ANK3: variants seen among roughly 807,000 people sequenced by gnomAD.
ANK3 encodes ankyrin-3.
Under a neutral mutation model 370.9 loss-of-function variants are expected in ANK3, and 57 were observed. The ratio of observed to expected loss-of-function variants is 0.15; its 90% CI spans 0.12 to 0.19. The LOEUF (loss-of-function observed/expected upper bound fraction) is 0.19, where lower values mean the gene tolerates loss of function less well. Ranked by LOEUF, ANK3 falls within the 10% of genes least tolerant of loss-of-function variation. The pLI is 1.00. For missense variants in ANK3, 4,439 were observed against 5,302.1 expected (o/e 0.84, Z 5.06); for synonymous variants, 1,929 against 1,946.3 (o/e 0.99, Z 0.23).
At chr10:60,629,950 T>G (rs924350196) in intron 1 of ANK3, among the ~76,000 whole-genome samples, 2 of 152,160 alleles carry the variant, frequency 1.3e-5, no homozygotes, top group Non-Finnish European at 2.9e-5. Flanking sequence ...AGATTTTATT[T>G]TTTATTATTT....
intron 1 of ANK3, among the ~76,000 whole-genome samples, chr10:60,284,177 C>G (rs1036353430): frequency 6.6e-6 from 1 of 152,072 alleles, no homozygotes; most frequent in African/African-American, 2.4e-5. Context: ...ACTTGACTTA[C>G]GCTACCTCAA....
chr10:60,074,696 T>C lies in ANK3; in HGVS notation c.6185A>G (p.Glu2062Gly). ...TGGTTTTAAAACTCTTTTCTGTCTCTCCTCACCATCCTTCTTTGCATCCTC... is the reference window on the plus strand; with the variant it reads ...TGGTTTTAAAACTCTTTTCTGTCTCCCCTCACCATCCTTCTTTGCATCCTC... ...KFEDAKKDGE[E>G]RQKRVLKPAI... The change falls in exon 37 of 44, where the codon GAG becomes GGG. Residue 2062 changes from glutamate to glycine, a missense_variant. Coordinates refer to ENST00000280772, the MANE Select transcript of ANK3 (RefSeq NM_020987.5). The C allele has an allele frequency of 6.2e-7, 1 of 1,613,470 alleles. No individual in the cohort carries two copies. Among genetic ancestry groups the C allele is most frequent in the Admixed American group, 1.7e-5 (1 of 59,888 alleles).
At position 60,166,828 on chromosome 10, in the gene ANK3, A is replaced by C. The variant is rs1209882520; in HGVS notation, c.2547T>G (p.Asp849Glu). Residue 849 changes from aspartate to glutamate, a missense_variant, in exon 22 of 44, where the codon GAT becomes GAG. Asp to Glu is a conservative substitution (Grantham distance 45). Transcript: ENST00000280772. ...ACTCAAAGAACATTTTCATACCTTCATCATCAGACATATCAAGAACTTCAT... is the reference window on the plus strand; with the variant it reads ...ACTCAAAGAACATTTTCATACCTTCCTCATCAGACATATCAAGAACTTCAT... ...TMNEVLDMSD[D>E]EVRKANAPEM... 1.2e-6 allele frequency: 2 copies of C among 1,613,816 alleles called. No individual in the cohort carries two copies. Among genetic ancestry groups the C allele is most frequent in the Admixed American group, 3.3e-5 (2 of 60,028 alleles).
chr10:60,088,002 CT>C (rs2087137195), intron 29 of ANK3, 144 bp downstream of exon 29: 1 of 676,478 alleles, frequency 1.5e-6, no homozygotes, highest in South Asian at 1.9e-5. Context: ...ATACTTGATG[CT>C]TTTTATCTGA....
At chr10:60,032,718 T>C (rs2073980237) in intron 43 of ANK3, among the ~76,000 whole-genome samples, 3 of 152,228 alleles carry the variant, frequency 2.0e-5, no homozygotes. Context: ...TGCCCACTTA[T>C]ATTCCAGTGA....
Position 60,086,627 on chromosome 10 carries a change from T to C in ANK3, c.3748+50A>G, listed in dbSNP as rs762235985. The C allele has an allele frequency of 2.0e-6, 3 of 1,473,220 alleles. No individual in the cohort carries two copies. The African/African-American group carries it at 4.2e-5, about 21-fold the overall frequency. The allele number at this position is 1,473,220 out of a possible 1,614,324, so 91.3% of individuals were successfully genotyped here. A position where few individuals can be genotyped will look rare whatever the true frequency, so the allele number is the denominator to read the frequency against. ...ATCTTTGTACACAAATATATCTTTG[T>C]ACACAATCTTTGTGAATCAATAGGA... On this transcript the variant is annotated intron_variant, in intron 30 of 43. Coordinates refer to ENST00000280772, the MANE Select transcript of ANK3 (RefSeq NM_020987.5).
intron 2 of ANK3, among the ~76,000 whole-genome samples, chr10:60,498,007 AC>A (rs1233812791): frequency 6.6e-6 from 1 of 152,170 alleles, no homozygotes; most frequent in Non-Finnish European, 1.5e-5. Flanking sequence ...ATCCATTATC[AC>A]CGTCGGACTC....
At position 60,085,220 on chromosome 10, in the gene ANK3, G is replaced by C; in HGVS notation, c.3782C>G (p.Thr1261Arg). 6.2e-7 allele frequency: 1 copy of C among 1,613,164 alleles called. No homozygotes were observed. The highest frequency in any genetic ancestry group is 8.5e-7 in the Non-Finnish European group (1 of 1,179,576). The change falls in exon 31 of 44, where the codon ACA (threonine) becomes AGA (arginine). Residue 1261 changes from threonine to arginine, a missense_variant. Thr to Arg is a moderately conservative substitution (Grantham distance 71, BLOSUM62 -1). Transcript: ENST00000280772. ...GTSPAQWEDI[T>R]GTTPLTFIKD... ...TATAAACGTCAAAGGAGTTGTTCCT[G>C]TGATGTCTTCCCACTGAGCAGGCGA...
chr10:60,321,194 AGCCTG>A (rs1237996116), intron 1 of ANK3, among the ~76,000 whole-genome samples: 1 of 152,070 alleles, frequency 6.6e-6, no homozygotes, highest in African/African-American at 2.4e-5. Context: ...GTTTGAGACC[AGCCTG>A]GCAGCATGAG....
At chr10:60,217,135 C>G (rs2132471636) in intron 8 of ANK3, among the ~76,000 whole-genome samples, 1 of 151,802 alleles carries the variant, frequency 6.6e-6, no homozygotes, top group Non-Finnish European at 1.5e-5. Flanking sequence ...TTTTTATTGT[C>G]TATTTGATTC....
At chr10:60,277,448 C>T (rs2098107731) in intron 4 of ANK3, among the ~76,000 whole-genome samples, 1 of 152,146 alleles carries the variant, frequency 6.6e-6, no homozygotes, top group Non-Finnish European at 1.5e-5. Context: ...TGAACAAAGA[C>T]TAAACCAAGT....
chr10:60,367,232 T>C (rs1159295454), intron 1 of ANK3, among the ~76,000 whole-genome samples: 1 of 152,184 alleles, frequency 6.6e-6, no homozygotes, highest in Non-Finnish European at 1.5e-5. Flanking sequence ...AAATGGGAGC[T>C]TGGCGTGACA....
chr10:60,726,445 T>C lies in ANK3; in HGVS notation c.57+6818A>G, dbSNP rs80104359. On this transcript the variant is annotated intron_variant, in intron 1 of 43. Transcript: ENST00000373827. ...TCAACAGTAAACACTACCATTTATT[T>C]ATTTAATATTCATCATGTACCAAGT... 1.9e-3 allele frequency among the ~76,000 whole-genome samples: 288 copies of C among 152,322 alleles called. 1 individual carries two copies. Among genetic ancestry groups the C allele is most frequent in the Non-Finnish European group, 3.5e-3 (235 of 68,014 alleles).
intron 2 of ANK3, 94 bp downstream of exon 2, chr10:60,279,443 GA>G: frequency 9.9e-6 from 10 of 1,012,056 alleles, no homozygotes; most frequent in Admixed American, 2.4e-5. Context: ...AAATTCAATG[GA>G]AAAAAACCCC....
At chr10:60,529,088 T>G (rs186841146) in intron 2 of ANK3, among the ~76,000 whole-genome samples, 22 of 152,182 alleles carry the variant, frequency 1.4e-4, no homozygotes, top group African/African-American at 4.8e-4. Context: ...CTCACGACAG[T>G]ACCATGCCAT....
intron 2 of ANK3, among the ~76,000 whole-genome samples, chr10:60,603,159 C>T (rs1595341530): frequency 6.6e-6 from 1 of 152,138 alleles, no homozygotes; most frequent in Non-Finnish European, 1.5e-5. Flanking sequence ...TCATTCTCCA[C>T]TTTTCTATGA....
intron 2 of ANK3, among the ~76,000 whole-genome samples, chr10:60,443,836 T>C (rs575372123): frequency 2.1e-4 from 32 of 152,268 alleles, no homozygotes; most frequent in African/African-American, 7.5e-4. Context: ...CTGATTCTTT[T>C]AGCAAACATT....
At chr10:60,572,667 C>T (rs2077628053) in intron 2 of ANK3, 4 of 1,438,426 alleles carry the variant, frequency 2.8e-6, no homozygotes, top group Admixed American at 3.0e-5. Context: ...GCTGCTTAAA[C>T]CCAGCCCCTG....
intron 5 of ANK3, 85 bp from the exon 6 acceptor site, chr10:60,264,105 A>C: frequency 8.7e-7 from 1 of 1,150,536 alleles, no homozygotes; most frequent in Non-Finnish European, 1.2e-6. Flanking sequence ...CAACCAAGTG[A>C]CCAAGCATCA....
Sources: allele counts gnomAD v4.1 joint callset (sites outside exome capture counted in the v4.1 genomes callset), GRCh38; gene constraint gnomAD v4.1.1; transcripts MANE v1.5; gene names NCBI Gene and HGNC (gene_info 2026-07-23, HGNC 2026-07-21).